LCOR: variants seen among roughly 807,000 people sequenced by gnomAD.
LCOR encodes the protein ligand dependent nuclear receptor corepressor.
In LCOR, 14 loss-of-function variants were observed where a neutral mutation model predicts 64.4. The ratio of observed to expected loss-of-function variants is 0.22; its 90% CI spans 0.14 to 0.34. The LOEUF (loss-of-function observed/expected upper bound fraction) is 0.34, where lower values mean the gene tolerates loss of function less well. LCOR is among the 10% of genes least tolerant of loss of function. The pLI is 1.00. For missense variants in LCOR, 1,686 were observed against 1,765.3 expected, an observed-to-expected ratio of 0.96 and a Z score of 0.80; for synonymous variants, 643 against 642.5, an observed-to-expected ratio of 1.00 and a Z score of -0.01.
intron 7 of LCOR, chr10:96,956,104 A>G (rs1167812704): frequency 4.2e-6 from 6 of 1,419,034 alleles, no homozygotes; most frequent in African/African-American, 1.4e-5. Context: ...TAAATTTTTC[A>G]TGTGCAGTAT....
intron 7 of LCOR, among the ~76,000 whole-genome samples, chr10:96,970,884 A>G (rs530586366): frequency 1.3e-5 from 2 of 152,092 alleles, no homozygotes; most frequent in East Asian, 3.9e-4. Flanking sequence ...CTCCCAAAGT[A>G]TTAGAATTAC....
intron 4 of LCOR, among the ~76,000 whole-genome samples, chr10:96,937,853 T>C (rs2134500287): frequency 1.3e-5 from 2 of 152,196 alleles, no homozygotes; most frequent in Middle Eastern, 6.8e-3. Flanking sequence ...AACAAAACAT[T>C]AGCAAATCAA....
chr10:96,981,164 G>A lies in LCOR; in HGVS notation c.704G>A (p.Gly235Glu), dbSNP rs966636168. The A allele has an allele frequency of 1.4e-6, 1 of 713,646 alleles. No individual in the cohort carries two copies. Among genetic ancestry groups the A allele is most frequent in the Non-Finnish European group, 2.5e-6 (1 of 394,700 alleles). The allele number at this position is 713,646 out of a possible 1,614,324, so 44.2% of individuals were successfully genotyped here. Residue 235 changes from glycine to glutamate, a missense_variant, in exon 8 of 8, where the codon GGA (glycine) becomes GAA (glutamate). Around this residue, in one of 3 missense-constraint regions of LCOR, gnomAD observed 313 missense variants for 247.2 expected, o/e 1.27. Coordinates refer to ENST00000421806, the MANE Select transcript of LCOR (RefSeq NM_001346516.2). ...CCTCCTGAGATAAACCCTGTAGATG[G>A]AAGAGAGAATGCCTTGACTGTTGTC... ...KPPPEINPVD[G>E]RENALTVVQK...
At chr10:96,920,799 G>C (rs1186363117) in intron 4 of LCOR, among the ~76,000 whole-genome samples, 1 of 127,230 alleles carries the variant, frequency 7.9e-6, no homozygotes, top group Admixed American at 7.5e-5. Flanking sequence ...CACGCGCGGT[G>C]GGGGGGTGGT....
Position 96,990,719 on chromosome 10 carries a change from T to C in LCOR, c.*5585T>C. On this transcript the variant is annotated 3_prime_UTR_variant, in exon 8 of 8. Coordinates refer to ENST00000421806, the MANE Select transcript of LCOR (RefSeq NM_001346516.2). ...TGGGATTGAACCGAAGCTGCTCAGT[T>C]CCTTCCACTTACCTCCTCTCTGTCT... The C allele has an allele frequency of 6.6e-6, 1 of 152,494 alleles. No homozygotes were observed. The highest frequency in any genetic ancestry group is 1.5e-5 in the Non-Finnish European group (1 of 68,208). The allele number at this position is 152,494 out of a possible 1,614,324, so 9.4% of individuals were successfully genotyped here. A position where few individuals can be genotyped will look rare whatever the true frequency, so the allele number is the denominator to read the frequency against.
At chr10:96,886,675 CTTACTCAACCTTA>C in intron 2 of LCOR, among the ~76,000 whole-genome samples, 2 of 151,964 alleles carry the variant, frequency 1.3e-5, no homozygotes, top group East Asian at 3.8e-4. Context: ...TGACCTTATA[CTTACTCAACCTTA>C]AGAGATTTTA....
At chr10:96,856,220 G>T (rs753014310) in intron 2 of LCOR, among the ~76,000 whole-genome samples, 5 of 150,930 alleles carry the variant, frequency 3.3e-5, no homozygotes, top group Non-Finnish European at 7.4e-5. Context: ...ACAGGCATGC[G>T]CCACCACGCC....
intron 7 of LCOR, chr10:96,958,246 C>T: frequency 1.5e-6 from 2 of 1,325,542 alleles, no homozygotes; most frequent in Non-Finnish European, 1.9e-6. Flanking sequence ...CATTAAAAAT[C>T]TGGCCCTAAA....
intron 4 of LCOR, among the ~76,000 whole-genome samples, chr10:96,916,645 T>A (rs1846955905): frequency 6.6e-6 from 1 of 150,660 alleles, no homozygotes. Flanking sequence ...GACGGAGTCT[T>A]GCTCTGTCTC....
At chr10:96,839,914 CT>C (rs1206254769) in intron 2 of LCOR, among the ~76,000 whole-genome samples, 2 of 152,248 alleles carry the variant, frequency 1.3e-5, no homozygotes, top group African/African-American at 4.8e-5. Flanking sequence ...TCTCAAACTC[CT>C]GACGTTCCGC....
intron 4 of LCOR, among the ~76,000 whole-genome samples, chr10:96,910,426 T>C (rs1846809788): frequency 6.6e-6 from 1 of 152,244 alleles, no homozygotes; most frequent in African/African-American, 2.4e-5. Flanking sequence ...CATACATCTG[T>C]AATGGAAAAT....
intron 4 of LCOR, among the ~76,000 whole-genome samples, chr10:96,930,002 A>G (rs1277598217): frequency 6.6e-6 from 1 of 152,210 alleles, no homozygotes; most frequent in Non-Finnish European, 1.5e-5. Flanking sequence ...AATTCACTAC[A>G]GTAACATAAA....
intron 2 of LCOR, among the ~76,000 whole-genome samples, chr10:96,856,570 ACC>A (rs1278081390): frequency 1.6e-4 from 23 of 146,990 alleles, no homozygotes; most frequent in African/African-American, 5.3e-4. Context: ...TTGCTCTGTC[ACC>A]CATGCTGGAG....
intron 2 of LCOR, among the ~76,000 whole-genome samples, chr10:96,873,932 A>G (rs902669137): frequency 1.3e-5 from 2 of 152,140 alleles, no homozygotes; most frequent in African/African-American, 4.8e-5. Context: ...TTAGAAAACC[A>G]GCTGTTGGGT....
intron 2 of LCOR, among the ~76,000 whole-genome samples, chr10:96,861,084 G>A (rs1254170657): frequency 2.0e-5 from 3 of 152,078 alleles, no homozygotes; most frequent in East Asian, 1.9e-4. Flanking sequence ...TGAAAAAAAC[G>A]TAATGAATAT....
intron 7 of LCOR, among the ~76,000 whole-genome samples, chr10:96,980,311 A>G (rs1848073126): frequency 6.6e-6 from 1 of 152,212 alleles, no homozygotes; most frequent in Admixed American, 6.5e-5. Flanking sequence ...TATGTTGACC[A>G]ACCAGAGTTA....
Position 96,984,156 on chromosome 10 carries a change from T to C in LCOR, c.3696T>C (p.Ala1232=). The C allele has an allele frequency of 6.2e-7, 1 of 1,614,178 alleles. No individual in the cohort carries two copies. The highest frequency in any genetic ancestry group is 8.5e-7 in the Non-Finnish European group (1 of 1,180,032). ...PSSLYPSSLQ[A]ERLKKHLKKF... Reference sequence around the variant, plus strand: ...GCCTATATCCCAGTTCACTACAGGCTGAGCGCTTGAAAAAGCACTTGAAGA... The same window carrying C: ...GCCTATATCCCAGTTCACTACAGGCCGAGCGCTTGAAAAAGCACTTGAAGA... Residue 1232 remains alanine, a synonymous_variant, in exon 8 of 8, where the codon GCT becomes GCC. Coordinates refer to ENST00000421806, the MANE Select transcript of LCOR (RefSeq NM_001346516.2).
At chr10:96,923,840 T>G (rs1318666905) in intron 4 of LCOR, among the ~76,000 whole-genome samples, 1 of 152,184 alleles carries the variant, frequency 6.6e-6, no homozygotes, top group African/African-American at 2.4e-5. Context: ...TGTCACTAAA[T>G]CTAGCCCACA....
At chr10:96,953,089 C>G (rs1338357575) in intron 7 of LCOR, among the ~76,000 whole-genome samples, 1 of 152,116 alleles carries the variant, frequency 6.6e-6, no homozygotes, top group Non-Finnish European at 1.5e-5. Flanking sequence ...TTACAGACTT[C>G]TAAAATCTCC....
Sources: gnomAD v4.1 joint callset for allele counts (sites outside exome capture counted in the v4.1 genomes callset) on GRCh38, gnomAD v4.1.1 for gene constraint, gnomAD v4.1.1 regional missense constraint, MANE v1.5 for transcripts, NCBI Gene and HGNC (gene_info 2026-07-23, HGNC 2026-07-21) for gene names.